NREP: variants seen among roughly 807,000 people sequenced by gnomAD.
NREP encodes neuronal regeneration related protein.
A neutral mutation model predicts 8.6 loss-of-function variants in NREP; 5 were observed. That is an observed-to-expected ratio of 0.58 (90% CI 0.30 to 1.22). The LOEUF is 1.22. Among genes scored for constraint, NREP ranks in the 50% most tolerant of loss-of-function variants. The pLI, the probability that NREP is intolerant of heterozygous loss-of-function variation, is 0.07. For missense variants in NREP, 86 were observed against 82.5 expected (o/e 1.04, Z -0.17); for synonymous variants, 27 against 28.0 (o/e 0.96, Z 0.11).
At chr5:111,751,654 T>G (rs1422803748) in intron 2 of NREP, among the ~76,000 whole-genome samples, 1 of 152,216 alleles carries the variant, frequency 6.6e-6, no homozygotes, top group African/African-American at 2.4e-5. Context: ...CTCTGGTATA[T>G]TCAAATTGGA....
intron 2 of NREP, among the ~76,000 whole-genome samples, chr5:111,810,934 T>C (rs1201796005): frequency 6.6e-6 from 1 of 152,204 alleles, no homozygotes; most frequent in Non-Finnish European, 1.5e-5. Flanking sequence ...ATTACTTGGC[T>C]TATCTGGTCA....
chr5:111,855,880 A>G (rs1982901), intron 2 of NREP, among the ~76,000 whole-genome samples: 37,998 of 152,082 alleles, frequency 0.25, 6,043 homozygotes, highest in East Asian at 0.57. Flanking sequence ...AGGGGGAAAA[A>G]AAAGATGAAA....
chr5:111,799,390 C>A (rs1044967939), intron 2 of NREP, among the ~76,000 whole-genome samples: 2 of 152,144 alleles, frequency 1.3e-5, no homozygotes, highest in Admixed American at 1.3e-4. Context: ...TGATTCTACC[C>A]ACCCATGAGC....
chr5:111,771,380 C>T (rs1260280993), intron 2 of NREP, among the ~76,000 whole-genome samples: 2 of 151,634 alleles, frequency 1.3e-5, no homozygotes, highest in Non-Finnish European at 1.5e-5. Context: ...ATGACAGAGA[C>T]AGGATTTGAA....
intron 2 of NREP, among the ~76,000 whole-genome samples, chr5:111,745,419 T>G (rs1489963238): frequency 6.6e-6 from 1 of 152,176 alleles, no homozygotes; most frequent in Non-Finnish European, 1.5e-5. Context: ...GTTTTTTTCT[T>G]TTTTCAATGT....
intron 2 of NREP, among the ~76,000 whole-genome samples, chr5:111,893,506 G>A (rs921743203): frequency 6.6e-6 from 1 of 151,264 alleles, no homozygotes; most frequent in Non-Finnish European, 1.5e-5. Flanking sequence ...TATTTTCCAA[G>A]CCAAATAAAA....
chr5:111,955,166 G>T (rs1254827149), intron 2 of NREP, among the ~76,000 whole-genome samples: 1 of 152,038 alleles, frequency 6.6e-6, no homozygotes, highest in Admixed American at 6.6e-5. Context: ...TAAGTAAAAG[G>T]TTATGGTGAG....
chr5:111,840,271 G>T (rs1398430132), intron 2 of NREP, among the ~76,000 whole-genome samples: 1 of 151,920 alleles, frequency 6.6e-6, no homozygotes, highest in Non-Finnish European at 1.5e-5. Flanking sequence ...GTCTTTGTAT[G>T]CTCGGGATTT....
chr5:111,894,081 TG>T (rs1338204059), intron 2 of NREP, among the ~76,000 whole-genome samples: 1 of 151,944 alleles, frequency 6.6e-6, no homozygotes, highest in Non-Finnish European at 1.5e-5. Context: ...TAGCCAGGCA[TG>T]GTGGCAGGCA....
At chr5:111,900,249 C>T (rs937818005) in intron 2 of NREP, among the ~76,000 whole-genome samples, 1 of 151,698 alleles carries the variant, frequency 6.6e-6, no homozygotes, top group African/African-American at 2.4e-5. Context: ...AATTAAAATA[C>T]AACATATCAA....
At chr5:111,964,855 C>CAAAAAAAAAAAAAAAAATAAAAAA (rs1756589319) in intron 2 of NREP, among the ~76,000 whole-genome samples, 1 of 44,882 alleles carries the variant, frequency 2.2e-5, no homozygotes, top group Non-Finnish European at 4.6e-5. Flanking sequence ...CTTTCAGCAG[C>CAAAAAAAAAAAAAAAAATAAAAAA]AAAAAAAAAA....
chr5:111,822,215 G>C (rs2112925396), intron 2 of NREP, among the ~76,000 whole-genome samples: 1 of 152,240 alleles, frequency 6.6e-6, no homozygotes, highest in Non-Finnish European at 1.5e-5. Context: ...AAGCAGTGAA[G>C]ACTTGAAAGT....
intron 2 of NREP, among the ~76,000 whole-genome samples, chr5:111,799,102 T>C (rs776264083): frequency 2.4e-4 from 36 of 152,204 alleles, no homozygotes; most frequent in Admixed American, 1.2e-3. Flanking sequence ...ATTTCTGCGT[T>C]CTCTATTCTG....
At chr5:111,800,485 G>A (rs2112903385) in intron 2 of NREP, among the ~76,000 whole-genome samples, 1 of 152,274 alleles carries the variant, frequency 6.6e-6, no homozygotes, top group South Asian at 2.1e-4. Context: ...CATTTTGTCT[G>A]TGAATCTGTT....
intron 2 of NREP, among the ~76,000 whole-genome samples, chr5:111,932,477 A>G (rs1755567940): frequency 6.6e-6 from 1 of 152,146 alleles, no homozygotes. Context: ...CAGAAATAGT[A>G]CAAGAATTAT....
intron 2 of NREP, among the ~76,000 whole-genome samples, chr5:111,790,535 G>A (rs1265277737): frequency 1.3e-5 from 2 of 151,920 alleles, no homozygotes; most frequent in African/African-American, 4.8e-5. Context: ...CAAGGTGGAA[G>A]GTTCACTTGA....
In NREP at chr5:111,829,358, G is replaced by C. The variant is rs564007632; in HGVS notation, c.136-93851C>G. Among the ~76,000 whole-genome samples, 3 of 152,288 alleles carry C rather than the reference G, an allele frequency of 2.0e-5. No individual in the cohort carries two copies. In the South Asian group the frequency reaches 6.2e-4, roughly 32 times the overall value. Reference sequence around the variant, plus strand: ...AGGAAGAATTGGCAGGGGGAGGCTGGAGTCAGAGAAACCAGTTAAGACTCT... The same window carrying C: ...AGGAAGAATTGGCAGGGGGAGGCTGCAGTCAGAGAAACCAGTTAAGACTCT... On this transcript the variant is annotated intron_variant, in intron 2 of 3. Coordinates refer to the NREP transcript ENST00000395634.
intron 2 of NREP, among the ~76,000 whole-genome samples, chr5:111,898,317 A>T (rs1310986414): frequency 6.6e-6 from 1 of 152,186 alleles, no homozygotes; most frequent in Non-Finnish European, 1.5e-5. Flanking sequence ...TAAAAAAATT[A>T]AAAAGACTCT....
At chr5:111,939,157 A>T (rs910857621) in intron 2 of NREP, among the ~76,000 whole-genome samples, 4 of 151,950 alleles carry the variant, frequency 2.6e-5, no homozygotes, top group African/African-American at 9.7e-5. Flanking sequence ...TATTCCTGAC[A>T]AACAGTCCAT....
Sources: gnomAD v4.1 joint callset for allele counts (sites outside exome capture counted in the v4.1 genomes callset) on GRCh38, gnomAD v4.1.1 for gene constraint, MANE v1.5 for transcripts, NCBI Gene and HGNC (gene_info 2026-07-23, HGNC 2026-07-21) for gene names.